Variants in PTP4A2 observed in about 807,000 individuals in gnomAD.
The protein encoded by PTP4A2 is protein tyrosine phosphatase 4A2, also known as protein tyrosine phosphatase type IVA 2.
PTP4A2 carries 2 observed loss-of-function variants against 22.9 expected under a neutral mutation model. The observed-to-expected ratio is 0.09, with a 90% CI of 0.04 to 0.27. The LOEUF (loss-of-function observed/expected upper bound fraction) is 0.27, where lower values mean the gene tolerates loss of function less well. Ranked by LOEUF, PTP4A2 falls within the 10% of genes least tolerant of loss-of-function variation. The probability of loss-of-function intolerance (pLI) is 1.00; values close to 1 mark genes in which losing one functional copy is unlikely to be tolerated. For missense variants in PTP4A2, 103 were observed against 205.1 expected, an observed-to-expected ratio of 0.50 and a Z score of 3.04; for synonymous variants, 68 against 69.1, an observed-to-expected ratio of 0.98 and a Z score of 0.08.
intron 1 of PTP4A2, among the ~76,000 whole-genome samples, chr1:31,922,586 G>GTTTGTTTCTTTC (rs1386060733): frequency 1.4e-5 from 2 of 146,002 alleles, no homozygotes; most frequent in Admixed American, 6.9e-5. Flanking sequence ...ACCCAGGTTT[G>GTTTGTTTCTTTC]TTTCTTTCTT....
intron 1 of PTP4A2, among the ~76,000 whole-genome samples, chr1:31,931,414 G>T (rs1424387147): frequency 2.0e-5 from 3 of 152,164 alleles, no homozygotes; most frequent in Non-Finnish European, 4.4e-5. Flanking sequence ...TGCAATAAAA[G>T]CTCTTAGGAA....
At chr1:31,920,780 C>T (rs1250535583) in intron 1 of PTP4A2, among the ~76,000 whole-genome samples, 1 of 151,984 alleles carries the variant, frequency 6.6e-6, no homozygotes, top group Admixed American at 6.5e-5. Context: ...TCAGGTGATT[C>T]GCTTGCCTAG....
chr1:31,933,276 C>A (rs1652799500), intron 1 of PTP4A2: 2 of 152,156 alleles, frequency 1.3e-5, no homozygotes, highest in Admixed American at 1.3e-4. Flanking sequence ...AGCCACTGTG[C>A]CTAGCCAAGA....
At chr1:31,928,260 T>C (rs1393199430) in intron 1 of PTP4A2, among the ~76,000 whole-genome samples, 1 of 147,770 alleles carries the variant, frequency 6.8e-6, no homozygotes, top group Non-Finnish European at 1.5e-5. Context: ...TTATATACAA[T>C]ATAATATTAA....
At position 31,919,119 on chromosome 1, in the gene PTP4A2, AAAAAAAATCAAT is replaced by A; in HGVS notation, c.-66_-55del. 1.2e-6 allele frequency: 1 copy of A among 851,532 alleles called. No individual in the cohort carries two copies. The highest frequency in any genetic ancestry group is 1.4e-5 in the South Asian group (1 of 69,514). The allele number at this position is 851,532 out of a possible 1,614,324, so 52.7% of individuals were successfully genotyped here. On this transcript the variant is annotated 5_prime_UTR_variant, in exon 2 of 6. The change abolishes the stop of an existing upstream ORF in the 5' untranslated region. Transcript: ENST00000647444. ...TGTGAGTGTGATGGGGAAAGTGAAAAAAAAAAATCAATAAATCTTGAAATGTTTCACAGCAGA... is the reference window on the plus strand; with the variant it reads ...TGTGAGTGTGATGGGGAAAGTGAAAAAAATCTTGAAATGTTTCACAGCAGA...
At chr1:31,937,836 A>ACCCACCCTCGCTCC (rs1277573541) in intron 1 of PTP4A2, 151 bp downstream of exon 1, 1 of 148,862 alleles carries the variant, frequency 6.7e-6, no homozygotes, top group Non-Finnish European at 1.5e-5. Context: ...CCCCTCGCTC[A>ACCCACCCTCGCTCC]CCCACCCTCG....
chr1:31,918,397 C>A (rs12072766), intron 2 of PTP4A2, among the ~76,000 whole-genome samples: 312 of 152,270 alleles, frequency 2.0e-3, no homozygotes, highest in African/African-American at 7.1e-3. Flanking sequence ...CCCTTGTATA[C>A]GATTATTACA....
rs774514007 is a variant in PTP4A2 at position 31,919,095 on chromosome 1, G to GT, written c.-31dup. 2 of 1,142,772 alleles carry GT rather than the reference G, an allele frequency of 1.8e-6. No individual in the cohort carries two copies. Among genetic ancestry groups the GT allele is most frequent in the East Asian group, 4.7e-5 (2 of 42,418 alleles). 70.8% of individuals were successfully genotyped at this position (1,142,772 alleles called of 1,614,324 possible). On this transcript the variant is annotated 5_prime_UTR_variant, in exon 2 of 6. Transcript: ENST00000647444. The stretch of plus-strand genomic sequence containing the variant: ...GCAAATAAAAAGTGTGAGCGTGCGT[G>GT]TGAGTGTGATGGGGAAAGTGAAAAA...
At chr1:31,930,206 C>T (rs902212232) in intron 1 of PTP4A2, among the ~76,000 whole-genome samples, 8 of 151,958 alleles carry the variant, frequency 5.3e-5, no homozygotes, top group South Asian at 4.1e-4. Context: ...GGCGAGGTGG[C>T]GGGCGCCTGT....
At chr1:31,925,582 A>T (rs1652412473) in intron 1 of PTP4A2, among the ~76,000 whole-genome samples, 1 of 151,822 alleles carries the variant, frequency 6.6e-6, no homozygotes, top group Non-Finnish European at 1.5e-5. Context: ...ACACGGTGAA[A>T]CCCCGTCTCC....
chr1:31,916,521 T>G (rs763041570), intron 2 of PTP4A2, among the ~76,000 whole-genome samples: 1 of 152,146 alleles, frequency 6.6e-6, no homozygotes, highest in African/African-American at 2.4e-5. Flanking sequence ...TTTGGTAGCA[T>G]AACGTGAAAA....
In PTP4A2 at chr1:31,906,928, A is replaced by T. The variant is rs1436050362; in HGVS notation, c.*1924T>A. 1 of 152,202 alleles carries T rather than the reference A, an allele frequency of 6.6e-6. No individual in the cohort carries two copies. Among genetic ancestry groups the T allele is most frequent in the Non-Finnish European group, 1.5e-5 (1 of 68,040 alleles). The allele number at this position is 152,202 out of a possible 1,614,324, so 9.4% of individuals were successfully genotyped here. A position where few individuals can be genotyped will look rare whatever the true frequency, so the allele number is the denominator to read the frequency against. ...TTTGATCTTGAGTCTATATTAATGG[A>T]ATCTATTGTTGCATTCTGAAATAAA... On this transcript the variant is annotated 3_prime_UTR_variant, in exon 6 of 6. Transcript: ENST00000647444.
chr1:31,915,150 A>C (rs1651758571), intron 3 of PTP4A2, among the ~76,000 whole-genome samples: 1 of 152,232 alleles, frequency 6.6e-6, no homozygotes, highest in Admixed American at 6.5e-5. Flanking sequence ...TTCCTAAAAA[A>C]TAAAACTTGC....
rs140855181 is a variant in PTP4A2 at position 31,907,301 on chromosome 1, T to C, written c.*1551A>G. ...AGTACGTAATATTTAGAGGTGAAAA[T>C]AGTGCAAGAGCCCCTGATGGTGCCC... On this transcript the variant is annotated 3_prime_UTR_variant, in exon 6 of 6. Transcript: ENST00000647444. The C allele has an allele frequency of 2.0e-5, 3 of 152,292 alleles. No homozygotes were observed. Among genetic ancestry groups the C allele is most frequent in the African/African-American group, 4.8e-5 (2 of 41,548 alleles). 9.4% of individuals were successfully genotyped at this position (152,292 alleles called of 1,614,324 possible).
In PTP4A2 at chr1:31,908,133, TATTATATTATATATATATATA is replaced by T. The variant is rs1651290715; in HGVS notation, c.*698_*718del. On this transcript the variant is annotated 3_prime_UTR_variant, in exon 6 of 6. Coordinates refer to ENST00000647444, the MANE Select transcript of PTP4A2 (RefSeq NM_080391.4). ...TGGAAAATATATATATATATATATA[TATTATATTATATATATATATA>T]TATATATATATATATATATATATAT... 2.9e-3 allele frequency: 1 copy of T among 348 alleles called. No homozygotes were observed. Among genetic ancestry groups the T allele is most frequent in the Non-Finnish European group, 5.5e-3 (1 of 182 alleles). 0.0% of individuals were successfully genotyped at this position (348 alleles called of 1,614,324 possible).
rs1651222964 is a variant in PTP4A2, at chr1:31,907,269, A to G, written c.*1583T>C. 6.6e-6 allele frequency: 1 copy of G among 152,242 alleles called. No homozygotes were observed. The highest frequency in any genetic ancestry group is 2.4e-5 in the African/African-American group (1 of 41,458). 9.4% of individuals were successfully genotyped at this position (152,242 alleles called of 1,614,324 possible). On this transcript the variant is annotated 3_prime_UTR_variant, in exon 6 of 6. Transcript: ENST00000647444. ...GTATTCAGAGCCCTAGAAGCAGGGC[A>G]CTACTGAGTACGTAATATTTAGAGG...
At position 31,909,671 on chromosome 1, in the gene PTP4A2, C is replaced by CA. The variant is rs1213460518; in HGVS notation, c.395+366dup. Among the ~76,000 whole-genome samples, 611 of 126,208 alleles carry CA rather than the reference C, an allele frequency of 4.8e-3. 4 individuals are homozygous for CA. The highest frequency in any genetic ancestry group is 0.012 in the Middle Eastern group (3 of 244). 82.8% of individuals were successfully genotyped at this position (126,208 alleles called of 152,430 possible). On this transcript the variant is annotated intron_variant, in intron 5 of 5. Coordinates refer to ENST00000647444, the MANE Select transcript of PTP4A2 (RefSeq NM_080391.4). ...TGAGCAACAGAGCGAGACTCCATCT[C>CA]AAAAAAAAAAAAAAGAGTCTCAGGT... is the stretch of plus-strand genomic sequence containing the variant.
intron 3 of PTP4A2, chr1:31,914,040 G>C: frequency 2.6e-6 from 1 of 381,696 alleles, no homozygotes; most frequent in East Asian, 7.2e-5. Context: ...TTGACTGCAA[G>C]CAAATTATTA....
chr1:31,920,599 G>A (rs1371690798), intron 1 of PTP4A2, among the ~76,000 whole-genome samples: 2 of 141,790 alleles, frequency 1.4e-5, no homozygotes, highest in East Asian at 2.1e-4. Context: ...GTGCAATGGC[G>A]AGATCTCAGC....
Sources: allele counts gnomAD v4.1 joint callset (sites outside exome capture counted in the v4.1 genomes callset), GRCh38; gene constraint gnomAD v4.1.1; transcripts MANE v1.5; gene names NCBI Gene and HGNC (gene_info 2026-07-23, HGNC 2026-07-21).